The following SLC47A1 variants were observed in gnomAD, a reference collection of about 807,000 sequenced individuals.
The protein encoded by SLC47A1 is solute carrier family 47 member 1, also known as multidrug and toxin extrusion protein 1.
In SLC47A1, 58 loss-of-function variants were observed where a neutral mutation model predicts 65.8. That is an observed-to-expected ratio of 0.88 (90% CI 0.71 to 1.10). SLC47A1 has a LOEUF of 1.10. SLC47A1 is among the 50% of genes least tolerant of loss of function. SLC47A1 has a pLI of 0.00. For synonymous variants in SLC47A1, 285 were observed against 295.0 expected, an observed-to-expected ratio of 0.97 and a Z score of 0.35; for missense variants, 706 against 719.2, an observed-to-expected ratio of 0.98 and a Z score of 0.21.
chr17:19,573,539 T>TAAA (rs766681183), intron 16 of SLC47A1, among the ~76,000 whole-genome samples: 124 of 151,454 alleles, frequency 8.2e-4, no homozygotes, highest in Admixed American at 2.5e-3. Context: ...TTTTTTTTTT[T>TAAA]AAATAGAAAG....
intron 10 of SLC47A1, 106 bp downstream of exon 10, chr17:19,556,168 A>T: frequency 1.5e-6 from 2 of 1,307,514 alleles, no homozygotes; most frequent in Non-Finnish European, 2.2e-6. Flanking sequence ...TCATTTGTGA[A>T]ATGATGGACA....
chr17:19,551,856 A>G (rs1916459251), intron 6 of SLC47A1, among the ~76,000 whole-genome samples: 1 of 152,210 alleles, frequency 6.6e-6, no homozygotes, highest in African/African-American at 2.4e-5. Context: ...TCTGGCAGAG[A>G]GGGAACCAAA....
At chr17:19,573,396 A>T (rs1425066496) in intron 16 of SLC47A1, among the ~76,000 whole-genome samples, 1 of 152,182 alleles carries the variant, frequency 6.6e-6, no homozygotes, top group East Asian at 1.9e-4. Flanking sequence ...AGAATGGCTG[A>T]TACTTAGTCA....
intron 5 of SLC47A1, among the ~76,000 whole-genome samples, chr17:19,551,053 G>A (rs185177332): frequency 6.6e-6 from 1 of 152,296 alleles, no homozygotes; most frequent in East Asian, 1.9e-4. Context: ...TTGTAAATGT[G>A]ACAGTCTTTC....
At chr17:19,547,716 C>CTTTTTT (rs1180263887) in intron 3 of SLC47A1, among the ~76,000 whole-genome samples, 5 of 68,582 alleles carry the variant, frequency 7.3e-5, no homozygotes, top group South Asian at 6.3e-4. Flanking sequence ...CCATGGGCTT[C>CTTTTTT]TTTTTTTTTT....
At chr17:19,554,093 G>T (rs1472314451) in intron 6 of SLC47A1, among the ~76,000 whole-genome samples, 1 of 152,138 alleles carries the variant, frequency 6.6e-6, no homozygotes, top group African/African-American at 2.4e-5. Context: ...TTGGCCTGTC[G>T]CAGTGAGAGA....
rs202150422 is a variant in SLC47A1 at position 19,533,910 on chromosome 17, C to T, written c.-30C>T. ...CTCCGCGGTACCCACTGCCGGCCTC[C>T]GCGCTACCCGGCCGCAGCGCGCGAG... On this transcript the variant is annotated 5_prime_UTR_variant, in exon 1 of 17. Coordinates refer to ENST00000270570, the MANE Select transcript of SLC47A1 (RefSeq NM_018242.3). 8.5e-4 allele frequency: 1,245 copies of T among 1,469,708 alleles called. 5 individuals carry two copies. The highest frequency in any genetic ancestry group is 2.5e-3 in the South Asian group (193 of 76,170). The allele number at this position is 1,469,708 out of a possible 1,614,324, so 91.0% of individuals were successfully genotyped here.
Position 19,567,118 on chromosome 17 carries a change from G to T in SLC47A1, c.1199G>T (p.Arg400Met). The T allele has an allele frequency of 6.2e-7, 1 of 1,614,198 alleles. No individual in the cohort carries two copies. The highest frequency in any genetic ancestry group is 1.6e-4 in the Middle Eastern group (1 of 6,062). Residue 400 changes from arginine (R) to methionine (M), a missense_variant, in exon 14 of 17, where the codon AGG (arginine) becomes ATG (methionine). Transcript: ENST00000270570. ...CAGTGCACGAGTGGTGGTGTTCTGA[G>T]GGGGAGTGGAAATCAGAAGGTTGGA... ...ALACTSGGVL[R>M]GSGNQKVGAI...
rs1248512679 is a variant in SLC47A1, at chr17:19,578,909, C to T, written c.*1356C>T. The stretch of plus-strand genomic sequence containing the variant: ...CAATAAACTTTCTCAAAGAGCAATA[C>T]TGACATTTCTTTTGATAAAACCTCC... On this transcript the variant is annotated 3_prime_UTR_variant, in exon 17 of 17. Transcript: ENST00000270570. The T allele has an allele frequency of 1.3e-5, 2 of 152,226 alleles. No homozygotes were observed. The highest frequency in any genetic ancestry group is 2.9e-5 in the Non-Finnish European group (2 of 68,048). The allele number at this position is 152,226 out of a possible 1,614,324, so 9.4% of individuals were successfully genotyped here. A position where few individuals can be genotyped will look rare whatever the true frequency, so the allele number is the denominator to read the frequency against.
intron 1 of SLC47A1, among the ~76,000 whole-genome samples, chr17:19,542,121 T>C (rs1388277362): frequency 6.6e-6 from 1 of 151,732 alleles, no homozygotes; most frequent in African/African-American, 2.4e-5. Context: ...TGAGACTCTG[T>C]CTCAAAAAAA....
At chr17:19,548,166 G>A (rs759639475) in intron 4 of SLC47A1, 33 bp downstream of exon 4, 25 of 1,594,232 alleles carry the variant, frequency 1.6e-5, no homozygotes, top group Admixed American at 6.7e-5. Flanking sequence ...GGGACTTGGC[G>A]TCCATCCCAC....
chr17:19,569,996 C>T (rs2084387406), intron 14 of SLC47A1, among the ~76,000 whole-genome samples: 2 of 152,132 alleles, frequency 1.3e-5, no homozygotes. Context: ...ACCTATAATC[C>T]TAGTGCTTTG....
intron 3 of SLC47A1, 109 bp downstream of exon 3, chr17:19,546,612 C>G (rs1916297669): frequency 3.0e-6 from 3 of 1,016,034 alleles, no homozygotes; most frequent in Non-Finnish European, 4.5e-6. Context: ...CTTGCAGCAC[C>G]TATCAGCCAG....
chr17:19,536,716 C>T (rs527560849), intron 1 of SLC47A1, among the ~76,000 whole-genome samples: 1 of 152,310 alleles, frequency 6.6e-6, no homozygotes, highest in Admixed American at 6.5e-5. Flanking sequence ...TAAGGAGAGA[C>T]CACCCCCTTC....
At position 19,555,700 on chromosome 17, in the gene SLC47A1, G is replaced by A; in HGVS notation, c.739+10G>A. ...CAAGCTACATGGGGAGGTAATGACT[G>A]CCCTTTTGTCTTCCAACTGGGATGT... On this transcript the variant is annotated intron_variant, in intron 8 of 16. Coordinates refer to ENST00000270570, the MANE Select transcript of SLC47A1 (RefSeq NM_018242.3). 3 of 1,613,770 alleles carry A rather than the reference G, an allele frequency of 1.9e-6. No homozygotes were observed. Among genetic ancestry groups the A allele is most frequent in the Non-Finnish European group, 2.5e-6 (3 of 1,179,732 alleles).
intron 2 of SLC47A1, among the ~76,000 whole-genome samples, chr17:19,543,885 G>A (rs1030030807): frequency 1.3e-5 from 2 of 152,180 alleles, no homozygotes; most frequent in Non-Finnish European, 2.9e-5. Flanking sequence ...CATGAACTAC[G>A]CGAAACGCCT....
At chr17:19,566,219 T>C (rs1298412527) in intron 12 of SLC47A1, among the ~76,000 whole-genome samples, 1 of 152,200 alleles carries the variant, frequency 6.6e-6, no homozygotes, top group Non-Finnish European at 1.5e-5. Flanking sequence ...ACAATGTATT[T>C]AGGGTTCAGT....
chr17:19,555,489 C>T (rs549296198), intron 7 of SLC47A1, 104 bp from the exon 8 acceptor site: 202 of 1,353,514 alleles, frequency 1.5e-4, no homozygotes, highest in Non-Finnish European at 2.1e-4. Context: ...AGACCTTGGC[C>T]TGCTGAGGAC....
intron 6 of SLC47A1, among the ~76,000 whole-genome samples, chr17:19,554,429 G>T (rs1916546312): frequency 6.6e-6 from 1 of 152,180 alleles, no homozygotes; most frequent in South Asian, 2.1e-4. Flanking sequence ...CGAGAGTGGG[G>T]TGTTTTCTTT....
Sources: gnomAD v4.1 joint callset for allele counts (sites outside exome capture counted in the v4.1 genomes callset) on GRCh38, gnomAD v4.1.1 for gene constraint, MANE v1.5 for transcripts, NCBI Gene and HGNC (gene_info 2026-07-23, HGNC 2026-07-21) for gene names.